Variants in AFF2 observed in about 807,000 individuals in gnomAD.
AFF2 encodes the protein ALF transcription elongation factor 2.
In AFF2, 14 loss-of-function variants were observed where a neutral mutation model predicts 76.9. The observed-to-expected ratio is 0.18, with a 90% CI of 0.12 to 0.28. AFF2 has a LOEUF of 0.28. Ranked by LOEUF, AFF2 falls within the 10% of genes least tolerant of loss-of-function variation. AFF2 has a pLI of 1.00. For synonymous variants in AFF2, 398 were observed against 366.7 expected (o/e 1.09, Z -0.98); for missense variants, 868 against 1,001.1 (o/e 0.87, Z 1.79).
intron 2 of AFF2, among the ~76,000 whole-genome samples, chrX:148,653,896 G>A (rs2054226846): frequency 9.0e-6 from 1 of 111,454 alleles, no homozygotes; most frequent in Non-Finnish European, 1.9e-5. Context: ...TGAGTGCGTT[G>A]GCTTTGAGAT....
At chrX:148,740,339 C>T (rs1406806698) in intron 3 of AFF2, among the ~76,000 whole-genome samples, 2 of 111,464 alleles carry the variant, frequency 1.8e-5, no homozygotes, top group Non-Finnish European at 3.8e-5. Context: ...AGGCTTTGTT[C>T]GTATTTTCTT....
Position 148,998,482 on chromosome X carries a change from T to A in AFF2, c.*7150T>A, listed in dbSNP as rs2072634072. 1 of 112,798 alleles carries A rather than the reference T, an allele frequency of 8.9e-6. No homozygotes were observed. Among genetic ancestry groups the A allele is most frequent in the Non-Finnish European group, 1.9e-5 (1 of 53,340 alleles). The allele number at this position is 112,798 out of a possible 1,213,427, so 9.3% of individuals were successfully genotyped here. On this transcript the variant is annotated 3_prime_UTR_variant, in exon 21 of 21. Coordinates refer to ENST00000370460, the MANE Select transcript of AFF2 (RefSeq NM_002025.4). ...AATCGTGATAATATAACTGCATTAT[T>A]ACATGGCAGTATAAATATTAGTCTG...
At chrX:148,516,152 C>T in intron 1 of AFF2, among the ~76,000 whole-genome samples, 1 of 111,366 alleles carries the variant, frequency 9.0e-6, no homozygotes, top group Non-Finnish European at 1.9e-5. Flanking sequence ...GCTGTGTTCT[C>T]ATTTTTTAGG....
At chrX:148,702,818 G>T (rs1557261987) in intron 3 of AFF2, among the ~76,000 whole-genome samples, 3 of 112,327 alleles carry the variant, frequency 2.7e-5, no homozygotes, top group African/African-American at 9.7e-5. Context: ...CAAAGCTTTG[G>T]ATTGTTGAGA....
intron 3 of AFF2, among the ~76,000 whole-genome samples, chrX:148,762,149 C>T (rs939518010): frequency 1.8e-5 from 2 of 109,834 alleles, no homozygotes; most frequent in African/African-American, 6.7e-5. Flanking sequence ...CACCCATCAC[C>T]GAGCAGTGTA....
chrX:148,723,894 C>CT (rs1191485333), intron 3 of AFF2, among the ~76,000 whole-genome samples: 101 of 104,523 alleles, frequency 9.7e-4, no homozygotes, highest in East Asian at 1.8e-3. Context: ...GTTTGAAAAC[C>CT]TTTTTTTTTC....
At chrX:148,642,020 T>A (rs1371368401) in intron 1 of AFF2, among the ~76,000 whole-genome samples, 4 of 112,523 alleles carry the variant, frequency 3.6e-5, no homozygotes, top group African/African-American at 1.3e-4. Flanking sequence ...ACAACAGGGT[T>A]ACCCTGATTC....
chrX:148,871,773 C>A (rs1426963754), intron 7 of AFF2, among the ~76,000 whole-genome samples: 1 of 111,340 alleles, frequency 9.0e-6, no homozygotes, highest in Non-Finnish European at 1.9e-5. Context: ...TGGTCTCCAC[C>A]CCATCCAGAC....
intron 3 of AFF2, among the ~76,000 whole-genome samples, chrX:148,670,593 G>A (rs995113044): frequency 9.0e-6 from 1 of 111,708 alleles, no homozygotes; most frequent in African/African-American, 3.3e-5. Context: ...TGTAGGCAAT[G>A]TGGCAACCAG....
chrX:148,557,819 T>G (rs2053068376), intron 1 of AFF2, among the ~76,000 whole-genome samples: 1 of 112,450 alleles, frequency 8.9e-6, no homozygotes, highest in Non-Finnish European at 1.9e-5. Flanking sequence ...GCACTTACCA[T>G]TAGTCAGGCA....
At chrX:148,648,332 G>A (rs1557255815) in intron 1 of AFF2, among the ~76,000 whole-genome samples, 2 of 110,206 alleles carry the variant, frequency 1.8e-5, no homozygotes, top group Admixed American at 9.7e-5. Context: ...AGGCCGAGAC[G>A]GGTGGATCAC....
rs781800159 is a variant in AFF2, at chrX:148,766,261, A to T, written c.1042-43615A>T. Among the ~76,000 whole-genome samples, 781 of 109,346 alleles carry T rather than the reference A, an allele frequency of 7.1e-3. 9 individuals carry two copies. Among genetic ancestry groups the T allele is most frequent in the African/African-American group, 0.024 (735 of 30,009 alleles). The allele number at this position is 109,346 out of a possible 115,157, so 95.0% of individuals were successfully genotyped here. On this transcript the variant is annotated intron_variant, in intron 3 of 20. Transcript: ENST00000370460. The stretch of plus-strand genomic sequence containing the variant: ...GGTCAAATGGTATTTCTAGTTCTAG[A>T]TCCCTGAGGAATCGCCACACTGACT...
At chrX:148,694,878 C>T (rs1384973803) in intron 3 of AFF2, among the ~76,000 whole-genome samples, 1 of 96,486 alleles carries the variant, frequency 1.0e-5, no homozygotes, top group African/African-American at 4.0e-5. Context: ...TGCAGTGGCG[C>T]GATCTCTGCT....
intron 9 of AFF2, among the ~76,000 whole-genome samples, chrX:148,905,512 G>C (rs1426972242): frequency 8.9e-6 from 1 of 112,330 alleles, no homozygotes; most frequent in African/African-American, 3.2e-5. Context: ...AGAATTAGAG[G>C]ATGGTGCTAA....
At chrX:148,712,507 C>G (rs1271429765) in intron 3 of AFF2, among the ~76,000 whole-genome samples, 1 of 111,677 alleles carries the variant, frequency 9.0e-6, no homozygotes, top group Non-Finnish European at 1.9e-5. Flanking sequence ...GCCTAGACAG[C>G]CTCTTTGGTT....
At chrX:148,692,045 T>TC (rs1187812122) in intron 3 of AFF2, among the ~76,000 whole-genome samples, 2 of 32,209 alleles carry the variant, frequency 6.2e-5, no homozygotes, top group Non-Finnish European at 1.1e-4. Flanking sequence ...GCAAAAATGT[T>TC]CTTTTTTTTT....
At chrX:148,786,188 C>A (rs2069818498) in intron 3 of AFF2, among the ~76,000 whole-genome samples, 1 of 111,545 alleles carries the variant, frequency 9.0e-6, no homozygotes, top group South Asian at 3.8e-4. Context: ...GGAAAATTAA[C>A]CCTGCACTGC....
intron 3 of AFF2, among the ~76,000 whole-genome samples, chrX:148,806,015 A>G (rs1345563622): frequency 5.3e-5 from 6 of 112,391 alleles, no homozygotes; most frequent in East Asian, 5.6e-4. Context: ...CGCTTTGTGG[A>G]CTATCTGAAT....
In AFF2 at chrX:148,579,291, TC is replaced by T. The variant is rs56702709; in HGVS notation, c.48-72706del. On this transcript the variant is annotated intron_variant, in intron 1 of 20. Transcript: ENST00000370460. The stretch of plus-strand genomic sequence containing the variant: ...ATGGCTGAAATGGTTGAATATAGCC[TC>T]CGTATTTGTTACCAGATTGGCTCCA... Among the ~76,000 whole-genome samples the T allele has an allele frequency of 7.4e-3, 832 of 111,909 alleles. 27 individuals carry two copies. The East Asian group carries it at 0.098, about 13-fold the overall frequency.
Sources: gnomAD v4.1 joint callset for allele counts (sites outside exome capture counted in the v4.1 genomes callset) on GRCh38, gnomAD v4.1.1 for gene constraint, MANE v1.5 for transcripts, NCBI Gene and HGNC (gene_info 2026-07-23, HGNC 2026-07-21) for gene names.